Variants in UNC13C observed in about 807,000 individuals in gnomAD.
The protein encoded by UNC13C is unc-13 homolog C.
A neutral mutation model predicts 245.4 loss-of-function variants in UNC13C; 174 were observed. The observed-to-expected ratio is 0.71, with a 90% CI of 0.63 to 0.80. UNC13C has a LOEUF of 0.80. Among genes scored for constraint, UNC13C ranks in the 30% least tolerant of loss-of-function variants. The pLI, the probability that UNC13C is intolerant of heterozygous loss-of-function variation, is 0.00. For synonymous variants in UNC13C, 992 were observed against 895.1 expected, an observed-to-expected ratio of 1.11 and a Z score of -1.93; for missense variants, 2,829 against 2,602.9, an observed-to-expected ratio of 1.09 and a Z score of -1.89.
intron 2 of UNC13C, among the ~76,000 whole-genome samples, chr15:54,077,533 C>T (rs1401859970): frequency 1.3e-5 from 2 of 151,552 alleles, no homozygotes; most frequent in East Asian, 3.9e-4. Context: ...CATGCACCAC[C>T]ACGCTCAGCT....
At chr15:54,410,661 G>A (rs2040398345) in intron 18 of UNC13C, among the ~76,000 whole-genome samples, 1 of 151,960 alleles carries the variant, frequency 6.6e-6, no homozygotes, top group Non-Finnish European at 1.5e-5. Context: ...AAGACCAGAT[G>A]GTTGTAGGTG....
intron 29 of UNC13C, among the ~76,000 whole-genome samples, chr15:54,561,408 G>A (rs865934602): frequency 8.5e-5 from 13 of 152,088 alleles, no homozygotes; most frequent in African/African-American, 2.9e-4. Flanking sequence ...GTATGGACTC[G>A]AGATCAGGAA....
At chr15:53,963,932 G>T in the UNC13C span, among the ~76,000 whole-genome samples, 1 of 152,176 alleles carries the variant, frequency 6.6e-6, no homozygotes, top group Non-Finnish European at 1.5e-5. Context: ...TCAGGATAGA[G>T]GGATTTTCTA....
At chr15:54,194,763 CCAGA>C (rs1295745216) in intron 4 of UNC13C, among the ~76,000 whole-genome samples, 17 of 152,044 alleles carry the variant, frequency 1.1e-4, no homozygotes, top group Admixed American at 1.1e-3. Context: ...CACAGATCAG[CCAGA>C]CAGACAGGTC....
intron 25 of UNC13C, among the ~76,000 whole-genome samples, chr15:54,527,064 A>G (rs1280992940): frequency 6.6e-6 from 1 of 152,166 alleles, no homozygotes; most frequent in African/African-American, 2.4e-5. Context: ...GAGCCAGAGC[A>G]GCCTTGCTGT....
At position 54,134,433 on chromosome 15, in the gene UNC13C, TGTGTGC is replaced by T. The variant is rs1198161727; in HGVS notation, c.2984-8582_2984-8577del. ...CTAAATAATCATCTGTGTGTGTGTG[TGTGTGC>T]GTTTGTGTGTGTATACACATATATA... On this transcript the variant is annotated intron_variant, in intron 2 of 32. Transcript: ENST00000260323. Among the ~76,000 whole-genome samples, 7 of 129,132 alleles carry T rather than the reference TGTGTGC, an allele frequency of 5.4e-5. 1 individual carries two copies. Among genetic ancestry groups the T allele is most frequent in the African/African-American group, 1.8e-4 (7 of 39,692 alleles). The allele number at this position is 129,132 out of a possible 152,430, so 84.7% of individuals were successfully genotyped here.
At chr15:54,219,006 GA>G (rs1209727649) in intron 4 of UNC13C, among the ~76,000 whole-genome samples, 7 of 151,964 alleles carry the variant, frequency 4.6e-5, no homozygotes, top group African/African-American at 1.7e-4. Flanking sequence ...TCAATATCGT[GA>G]AAATGGCCAT....
At chr15:53,980,353 A>G (rs530056866) in intron 1 of UNC13C, among the ~76,000 whole-genome samples, 1 of 152,320 alleles carries the variant, frequency 6.6e-6, no homozygotes, top group African/African-American at 2.4e-5. Context: ...AAAATGAGCA[A>G]AGTATTAAGT....
At chr15:54,009,521 A>G (rs1165983776) in intron 1 of UNC13C, among the ~76,000 whole-genome samples, 1 of 151,934 alleles carries the variant, frequency 6.6e-6, no homozygotes, top group Non-Finnish European at 1.5e-5. Context: ...ATAAAGCAGT[A>G]GGAAAGTAAT....
intron 4 of UNC13C, among the ~76,000 whole-genome samples, chr15:54,152,668 T>A (rs1310699540): frequency 2.0e-5 from 3 of 152,148 alleles, no homozygotes. Context: ...AAATATCATG[T>A]TACATTGAGC....
chr15:54,519,282 A>G (rs541752666), intron 24 of UNC13C, among the ~76,000 whole-genome samples: 82 of 152,334 alleles, frequency 5.4e-4, no homozygotes, highest in African/African-American at 1.9e-3. Flanking sequence ...TCACTCATAT[A>G]AAGCCTGAAG....
intron 17 of UNC13C, among the ~76,000 whole-genome samples, chr15:54,361,364 C>A (rs2039227342): frequency 6.6e-6 from 1 of 151,884 alleles, no homozygotes; most frequent in African/African-American, 2.4e-5. Flanking sequence ...ATTTCTTTGT[C>A]AATTTTCTCA....
At chr15:54,143,352 A>T (rs541165664) in intron 3 of UNC13C, among the ~76,000 whole-genome samples, 1 of 152,178 alleles carries the variant, frequency 6.6e-6, no homozygotes, top group Non-Finnish European at 1.5e-5. Flanking sequence ...TTCACTGTGC[A>T]TATCAAGTTT....
At chr15:54,371,507 G>A (rs1459388679) in intron 17 of UNC13C, among the ~76,000 whole-genome samples, 1 of 152,064 alleles carries the variant, frequency 6.6e-6, no homozygotes, top group Non-Finnish European at 1.5e-5. Flanking sequence ...TGAATGGCCT[G>A]AGGCTTAGCA....
chr15:54,288,380 G>A (rs183327699), intron 10 of UNC13C, among the ~76,000 whole-genome samples: 1,815 of 152,186 alleles, frequency 0.012, 18 homozygotes, highest in Non-Finnish European at 0.02. Flanking sequence ...AAATTAAAAA[G>A]GGCTCCAAAA....
At chr15:53,911,236 G>C in the UNC13C span, 1 of 152,276 alleles carries the variant, frequency 6.6e-6, no homozygotes, top group Non-Finnish European at 1.5e-5. Context: ...GGGACCTCCA[G>C]GTGCAAGCAG....
chr15:54,439,014 C>G (rs1596376309), intron 19 of UNC13C, among the ~76,000 whole-genome samples: 1 of 151,718 alleles, frequency 6.6e-6, no homozygotes, highest in Non-Finnish European at 1.5e-5. Context: ...GGTTCTCTTA[C>G]CCCTTCTTCT....
chr15:54,259,587 C>A (rs879421805), intron 8 of UNC13C, among the ~76,000 whole-genome samples: 1 of 152,194 alleles, frequency 6.6e-6, no homozygotes, highest in Admixed American at 6.5e-5. Flanking sequence ...TCCCACAATA[C>A]GTGGGAATTA....
intron 2 of UNC13C, among the ~76,000 whole-genome samples, chr15:54,031,492 AG>A (rs1417617129): frequency 6.6e-6 from 1 of 152,234 alleles, no homozygotes; most frequent in Non-Finnish European, 1.5e-5. Context: ...CAAAGGGTGA[AG>A]TAACATTATT....
Sources: gnomAD v4.1 joint callset for allele counts (sites outside exome capture counted in the v4.1 genomes callset) on GRCh38, gnomAD v4.1.1 for gene constraint, MANE v1.5 for transcripts, NCBI Gene and HGNC (gene_info 2026-07-23, HGNC 2026-07-21) for gene names.